Variants in ARPP19 observed in about 807,000 individuals in gnomAD.
The protein encoded by ARPP19 is cAMP-regulated phosphoprotein 19.
In ARPP19, 8 loss-of-function variants were observed where a neutral mutation model predicts 12.0. The observed-to-expected ratio is 0.67, with a 90% CI of 0.39 to 1.21. ARPP19 has a LOEUF of 1.21. Ranked by LOEUF, ARPP19 falls within the 50% of genes most tolerant of loss-of-function variation. The pLI, the probability that ARPP19 is intolerant of heterozygous loss-of-function variation, is 0.01. For missense variants in ARPP19, 102 were observed against 136.3 expected (o/e 0.75, Z 1.25); for synonymous variants, 47 against 50.4 (o/e 0.93, Z 0.29).
At chr15:52,563,784 A>T (rs1000156086) in intron 1 of ARPP19, among the ~76,000 whole-genome samples, 1 of 152,222 alleles carries the variant, frequency 6.6e-6, no homozygotes, top group African/African-American at 2.4e-5. Flanking sequence ...TGATTGACGA[A>T]TAACTAGAAA....
At chr15:52,565,707 T>C (rs2078075132) in intron 1 of ARPP19, among the ~76,000 whole-genome samples, 1 of 152,166 alleles carries the variant, frequency 6.6e-6, no homozygotes, top group African/African-American at 2.4e-5. Context: ...CCTAGGGGAG[T>C]GTTTACTTGA....
chr15:52,550,163 G>C lies in ARPP19; in HGVS notation c.*1771C>G, dbSNP rs559692753. Reference sequence around the variant, plus strand: ...TAGCATCTCAAGCTACTGATCCTGAGTATCATGCTACAGCATTACAACTAC... The same window carrying C: ...TAGCATCTCAAGCTACTGATCCTGACTATCATGCTACAGCATTACAACTAC... On this transcript the variant is annotated 3_prime_UTR_variant, in exon 3 of 3. Transcript: ENST00000249822. 6.6e-6 allele frequency: 1 copy of C among 152,310 alleles called. No individual in the cohort carries two copies. The highest frequency in any genetic ancestry group is 2.1e-4 in the South Asian group (1 of 4,826). The allele number at this position is 152,310 out of a possible 1,614,324, so 9.4% of individuals were successfully genotyped here. A position where few individuals can be genotyped will look rare whatever the true frequency, so the allele number is the denominator to read the frequency against.
At position 52,549,586 on chromosome 15, in the gene ARPP19, T is replaced by C. The variant is rs906220939; in HGVS notation, c.*2348A>G. 2.6e-5 allele frequency: 4 copies of C among 152,638 alleles called. No individual in the cohort carries two copies. Among genetic ancestry groups the C allele is most frequent in the Non-Finnish European group, 4.4e-5 (3 of 68,028 alleles). 9.5% of individuals were successfully genotyped at this position (152,638 alleles called of 1,614,324 possible). A position where few individuals can be genotyped will look rare whatever the true frequency, so the allele number is the denominator to read the frequency against. Reference sequence around the variant, plus strand: ...CACTTAGCATTTCACAGATCCTCAATACATTTTGAGGTAGGTCAAATATTA... The same window carrying C: ...CACTTAGCATTTCACAGATCCTCAACACATTTTGAGGTAGGTCAAATATTA... On this transcript the variant is annotated 3_prime_UTR_variant, in exon 3 of 3. Coordinates refer to ENST00000249822, the MANE Select transcript of ARPP19 (RefSeq NM_006628.6).
In ARPP19 at chr15:52,551,930, T is replaced by TTC; in HGVS notation, c.*3_*4insGA. 6.2e-7 allele frequency: 1 copy of TTC among 1,610,048 alleles called. No homozygotes were observed. The highest frequency in any genetic ancestry group is 8.5e-7 in the Non-Finnish European group (1 of 1,177,080). On this transcript the variant is annotated 3_prime_UTR_variant, in exon 3 of 3. Transcript: ENST00000249822. ...TAGCAGATTCATGCAGTTCAGCCTC[T>TTC]TAATCAGCCAGCCAGCTTGCTAGCA...
intron 1 of ARPP19, among the ~76,000 whole-genome samples, chr15:52,565,159 C>T (rs2078069918): frequency 6.6e-6 from 1 of 151,806 alleles, no homozygotes; most frequent in South Asian, 2.1e-4. Context: ...AGTGATCCTC[C>T]CCTCAGCCTC....
At chr15:52,560,139 A>G (rs990057158) in intron 1 of ARPP19, among the ~76,000 whole-genome samples, 14 of 152,128 alleles carry the variant, frequency 9.2e-5, no homozygotes, top group African/African-American at 3.4e-4. Flanking sequence ...TATATAAAGG[A>G]AAATACCTTG....
rs780622968 is a variant in ARPP19, at chr15:52,549,668, C to T, written c.*2266G>A. On this transcript the variant is annotated 3_prime_UTR_variant, in exon 3 of 3. Coordinates refer to ENST00000249822, the MANE Select transcript of ARPP19 (RefSeq NM_006628.6). The stretch of plus-strand genomic sequence containing the variant: ...TTGTTTTATTACTTGTCCCAAACCA[C>T]AGGAGCAGTTCTATCGTGGTCAGGA... 6.5e-5 allele frequency: 10 copies of T among 152,672 alleles called. No individual in the cohort carries two copies. The highest frequency in any genetic ancestry group is 1.2e-4 in the African/African-American group (5 of 41,542). 9.5% of individuals were successfully genotyped at this position (152,672 alleles called of 1,614,324 possible).
At chr15:52,564,277 G>T (rs570841166) in intron 1 of ARPP19, 2 of 1,504,334 alleles carry the variant, frequency 1.3e-6, no homozygotes, top group Admixed American at 2.0e-5. Context: ...TGGATGAGGC[G>T]GTTGCTCACA....
At position 52,568,976 on chromosome 15, in the gene ARPP19, C is replaced by T; in HGVS notation, c.-84G>A. On this transcript the variant is annotated 5_prime_UTR_variant, in exon 1 of 3. Transcript: ENST00000249822. ...CACCCGGCCGCCGCCCGTCCCAGCT[C>T]TCCCAGGGCCCGCCGGGCCGCCTCC... 9.7e-7 allele frequency: 1 copy of T among 1,027,800 alleles called. No individual in the cohort carries two copies. The highest frequency in any genetic ancestry group is 1.4e-6 in the Non-Finnish European group (1 of 711,482). The allele number at this position is 1,027,800 out of a possible 1,614,324, so 63.7% of individuals were successfully genotyped here.
chr15:52,562,674 C>T (rs1454478102), intron 1 of ARPP19, among the ~76,000 whole-genome samples: 2 of 151,788 alleles, frequency 1.3e-5, no homozygotes, highest in Non-Finnish European at 2.9e-5. Flanking sequence ...CAAAACTTGT[C>T]AGGTATAGCA....
In ARPP19 at chr15:52,557,077, G is replaced by A. The variant is rs370962363; in HGVS notation, c.168+23C>T. On this transcript the variant is annotated intron_variant, in intron 2 of 2. Coordinates refer to ENST00000249822, the MANE Select transcript of ARPP19 (RefSeq NM_006628.6). The stretch of plus-strand genomic sequence containing the variant: ...CTGAGTTTGTAGGGCTTAAGTATTT[G>A]GAAATTACCCATGAGAACTTACCCC... The A allele has an allele frequency of 2.5e-6, 4 of 1,609,176 alleles. No homozygotes were observed. The African/African-American group carries it at 5.4e-5, about 22-fold the overall frequency.
chr15:52,551,954 C>G lies in ARPP19; in HGVS notation c.319G>C (p.Ala107Pro). 1 of 1,613,502 alleles carries G rather than the reference C, an allele frequency of 6.2e-7. No homozygotes were observed. Among genetic ancestry groups the G allele is most frequent in the Admixed American group, 1.7e-5 (1 of 59,948 alleles). ...DLPQRKPSLVASKLAG is the reference protein window; with the variant it reads ...DLPQRKPSLVPSKLAG ...CTTAATCAGCCAGCCAGCTTGCTAG[C>G]AACAAGGGACGGCTTCCGTTGAGGA... is the stretch of plus-strand genomic sequence containing the variant. The change falls in exon 3 of 3, where the codon GCT becomes CCT. Residue 107 changes from alanine (A) to proline (P), a missense_variant. Coordinates refer to ENST00000249822, the MANE Select transcript of ARPP19 (RefSeq NM_006628.6).
chr15:52,558,979 T>C (rs1250106179), intron 1 of ARPP19, among the ~76,000 whole-genome samples: 1 of 152,168 alleles, frequency 6.6e-6, no homozygotes, highest in Non-Finnish European at 1.5e-5. Flanking sequence ...ACATGTTTTA[T>C]AATCAGCTTC....
rs1195398844 is a variant in ARPP19, at chr15:52,568,969, C to G, written c.-77G>C. ...CCGAGGCCACCCGGCCGCCGCCCGT[C>G]CCAGCTCTCCCAGGGCCCGCCGGGC... On this transcript the variant is annotated 5_prime_UTR_variant, in exon 1 of 3. Coordinates refer to ENST00000249822, the MANE Select transcript of ARPP19 (RefSeq NM_006628.6). The G allele has an allele frequency of 2.8e-6, 3 of 1,078,272 alleles. No homozygotes were observed. Among genetic ancestry groups the G allele is most frequent in the Non-Finnish European group, 4.0e-6 (3 of 748,816 alleles). The allele number at this position is 1,078,272 out of a possible 1,614,324, so 66.8% of individuals were successfully genotyped here. A position where few individuals can be genotyped will look rare whatever the true frequency, so the allele number is the denominator to read the frequency against.
rs181103945 is a variant in ARPP19, at chr15:52,562,926, G to A, written c.46-5704C>T. 2.8e-3 allele frequency among the ~76,000 whole-genome samples: 424 copies of A among 149,044 alleles called. 1 individual carries two copies. The highest frequency in any genetic ancestry group is 9.7e-3 in the African/African-American group (390 of 40,268). On this transcript the variant is annotated intron_variant, in intron 1 of 2. Transcript: ENST00000249822. ...TCTGTCGCCCAGGCTGGAGTGTGGT[G>A]GCACGATCTCGGCTCACTGCAACCT...
chr15:52,560,173 TTTTC>T (rs1049879147), intron 1 of ARPP19, among the ~76,000 whole-genome samples: 1 of 152,140 alleles, frequency 6.6e-6, no homozygotes, highest in African/African-American at 2.4e-5. Flanking sequence ...CATTCCCTTA[TTTTC>T]TTTTTCTTTT....
At chr15:52,562,087 A>G (rs2078038747) in intron 1 of ARPP19, among the ~76,000 whole-genome samples, 1 of 152,150 alleles carries the variant, frequency 6.6e-6, no homozygotes, top group African/African-American at 2.4e-5. Flanking sequence ...ATAAAATGGC[A>G]TGAAAATATA....
intron 2 of ARPP19, among the ~76,000 whole-genome samples, chr15:52,552,561 C>T (rs1048673876): frequency 1.5e-5 from 2 of 134,988 alleles, no homozygotes; most frequent in African/African-American, 5.6e-5. Flanking sequence ...GCACTCCAGC[C>T]TGGGCAACAG....
At position 52,568,833 on chromosome 15, in the gene ARPP19, G is replaced by T. The variant is rs367610421; in HGVS notation, c.45+15C>A. The T allele has an allele frequency of 2.6e-6, 4 of 1,565,020 alleles. No individual in the cohort carries two copies. Among genetic ancestry groups the T allele is most frequent in the Non-Finnish European group, 3.4e-6 (4 of 1,159,926 alleles). ...GCCTTGGGCAGGGCCCAGGGCTCAC[G>T]CCCCGCGCGCTCACCTTCTGCTCCT... is the stretch of plus-strand genomic sequence containing the variant. On this transcript the variant is annotated intron_variant, in intron 1 of 2. Coordinates refer to ENST00000249822, the MANE Select transcript of ARPP19 (RefSeq NM_006628.6).
Sources: allele counts gnomAD v4.1 joint callset (sites outside exome capture counted in the v4.1 genomes callset), GRCh38; gene constraint gnomAD v4.1.1; transcripts MANE v1.5; gene names NCBI Gene and HGNC (gene_info 2026-07-23, HGNC 2026-07-21).